The following KCNMB2 variants were observed in gnomAD, a reference collection of about 807,000 sequenced individuals.
The protein encoded by KCNMB2 is potassium calcium-activated channel subfamily M regulatory beta subunit 2.
KCNMB2 carries 9 observed loss-of-function variants against 24.5 expected under a neutral mutation model. The observed-to-expected ratio is 0.37, with a 90% CI of 0.22 to 0.64. The LOEUF is 0.64. Ranked by LOEUF, KCNMB2 falls within the 30% of genes least tolerant of loss-of-function variation. KCNMB2 has a pLI of 0.63. For synonymous variants in KCNMB2, 109 were observed against 104.4 expected (o/e 1.04, Z -0.27); for missense variants, 226 against 284.3 (o/e 0.79, Z 1.47).
At chr3:178,686,436 C>A (rs990826179) in intron 1 of KCNMB2, among the ~76,000 whole-genome samples, 1 of 152,170 alleles carries the variant, frequency 6.6e-6, no homozygotes, top group African/African-American at 2.4e-5. Flanking sequence ...CAATTCCTCT[C>A]TGTGCCCTGT....
At chr3:178,761,964 A>G (rs546816923) in intron 1 of KCNMB2, among the ~76,000 whole-genome samples, 16 of 152,082 alleles carry the variant, frequency 1.1e-4, no homozygotes, top group East Asian at 1.9e-4. Flanking sequence ...GAGGTCAGGA[A>G]ATCAAGACCA....
At chr3:178,817,342 T>C (rs900925882) in intron 2 of KCNMB2, among the ~76,000 whole-genome samples, 11 of 151,710 alleles carry the variant, frequency 7.3e-5, no homozygotes, top group African/African-American at 2.7e-4. Context: ...AATTGTACCA[T>C]AAAATATATA....
intron 1 of KCNMB2, among the ~76,000 whole-genome samples, chr3:178,686,371 TA>T (rs1195564180): frequency 1.3e-5 from 2 of 152,324 alleles, no homozygotes; most frequent in East Asian, 3.9e-4. Flanking sequence ...TAATTTTCTT[TA>T]AAAGTGATCT....
At chr3:178,771,149 A>G (rs1182509882) in intron 1 of KCNMB2, among the ~76,000 whole-genome samples, 1 of 152,096 alleles carries the variant, frequency 6.6e-6, no homozygotes, top group East Asian at 1.9e-4. Context: ...ACACTCTACA[A>G]TCAAATCCTG....
intron 1 of KCNMB2, among the ~76,000 whole-genome samples, chr3:178,711,163 T>C (rs780787382): frequency 1.4e-4 from 22 of 152,228 alleles, no homozygotes; most frequent in Non-Finnish European, 2.9e-4. Context: ...GATGAGAAAA[T>C]GGCACTTGCC....
At chr3:178,558,156 G>A (rs1296525450) in intron 1 of KCNMB2, among the ~76,000 whole-genome samples, 2 of 146,610 alleles carry the variant, frequency 1.4e-5, no homozygotes, top group Non-Finnish European at 3.0e-5. Context: ...CTTATGACTA[G>A]TGTGAAGTTT....
intron 1 of KCNMB2, among the ~76,000 whole-genome samples, chr3:178,651,872 A>G (rs189102635): frequency 6.6e-6 from 1 of 152,350 alleles, no homozygotes; most frequent in African/African-American, 2.4e-5. Flanking sequence ...AGCCATATGC[A>G]GAAAGCTGAA....
At chr3:178,601,381 G>A (rs1405993698) in intron 1 of KCNMB2, among the ~76,000 whole-genome samples, 7 of 151,456 alleles carry the variant, frequency 4.6e-5, no homozygotes, top group Non-Finnish European at 1.0e-4. Flanking sequence ...AAAAATGAAG[G>A]TGATTTTGTT....
chr3:178,730,402 A>ACCCC (rs1723106700), intron 1 of KCNMB2, among the ~76,000 whole-genome samples: 1 of 73,482 alleles, frequency 1.4e-5, no homozygotes. Flanking sequence ...ACTGTCCCCC[A>ACCCC]ACACCCCCCC....
At chr3:178,562,091 A>G (rs1435708298) in intron 1 of KCNMB2, among the ~76,000 whole-genome samples, 1 of 152,266 alleles carries the variant, frequency 6.6e-6, no homozygotes, top group Non-Finnish European at 1.5e-5. Flanking sequence ...TGCTATATAT[A>G]CAGATCTGGA....
intron 1 of KCNMB2, among the ~76,000 whole-genome samples, chr3:178,581,823 T>C (rs1717218379): frequency 6.6e-6 from 1 of 152,062 alleles, no homozygotes; most frequent in South Asian, 2.1e-4. Context: ...TGAGATACCA[T>C]CTCATGCCAG....
intron 1 of KCNMB2, among the ~76,000 whole-genome samples, chr3:178,700,270 C>A (rs1722040384): frequency 6.6e-6 from 1 of 152,210 alleles, no homozygotes; most frequent in African/African-American, 2.4e-5. Flanking sequence ...TTCTCACAAC[C>A]AATTCAGTAC....
intron 2 of KCNMB2, among the ~76,000 whole-genome samples, chr3:178,817,681 C>T (rs9857760): frequency 0.26 from 40,008 of 151,998 alleles, 7,073 homozygotes; most frequent in African/African-American, 0.51. Flanking sequence ...GTTTGATTTT[C>T]TTCTGGAAAG....
chr3:178,634,849 T>C (rs920521372), intron 1 of KCNMB2, among the ~76,000 whole-genome samples: 10 of 152,088 alleles, frequency 6.6e-5, no homozygotes, highest in Admixed American at 6.5e-4. Flanking sequence ...TTTGTTTGAA[T>C]TGTTTGAGCT....
At chr3:178,683,117 T>C (rs1027502419) in intron 1 of KCNMB2, among the ~76,000 whole-genome samples, 1 of 152,128 alleles carries the variant, frequency 6.6e-6, no homozygotes, top group Non-Finnish European at 1.5e-5. Context: ...ATGGTACATA[T>C]ACACCATGGA....
At chr3:178,604,643 T>C (rs1041264997) in intron 1 of KCNMB2, among the ~76,000 whole-genome samples, 1 of 152,184 alleles carries the variant, frequency 6.6e-6, no homozygotes, top group Non-Finnish European at 1.5e-5. Flanking sequence ...TTTTTAAAAT[T>C]ATGAAAATCC....
At chr3:178,840,330 A>T (rs1715381723) in intron 4 of KCNMB2, among the ~76,000 whole-genome samples, 1 of 152,052 alleles carries the variant, frequency 6.6e-6, no homozygotes, top group Admixed American at 6.5e-5. Flanking sequence ...GCTGGCTCTG[A>T]GTGCCTGCAG....
At chr3:178,829,053 C>A (rs574900654) in intron 4 of KCNMB2, among the ~76,000 whole-genome samples, 1 of 151,526 alleles carries the variant, frequency 6.6e-6, no homozygotes, top group East Asian at 2.0e-4. Context: ...AGATATTCAA[C>A]GAATGTGTAT....
intron 1 of KCNMB2, among the ~76,000 whole-genome samples, chr3:178,639,531 A>G (rs1460713508): frequency 1.3e-5 from 2 of 152,230 alleles, no homozygotes; most frequent in African/African-American, 4.8e-5. Flanking sequence ...ATGGTTAAAT[A>G]ATACTTATAT....
Sources: gnomAD v4.1 joint callset for allele counts (sites outside exome capture counted in the v4.1 genomes callset) on GRCh38, gnomAD v4.1.1 for gene constraint, MANE v1.5 for transcripts, NCBI Gene and HGNC (gene_info 2026-07-23, HGNC 2026-07-21) for gene names.